Variants in RBM25 observed in about 807,000 individuals in gnomAD.
RBM25 encodes RNA-binding protein 25.
A neutral mutation model predicts 120.7 loss-of-function variants in RBM25; 19 were observed. The observed-to-expected ratio is 0.16, with a 90% CI of 0.11 to 0.23. The LOEUF is 0.23. Ranked by LOEUF, RBM25 falls within the 10% of genes least tolerant of loss-of-function variation. RBM25 has a pLI of 1.00. For missense variants in RBM25, 605 were observed against 1,041.5 expected, an observed-to-expected ratio of 0.58 and a Z score of 5.77; for synonymous variants, 390 against 326.7, an observed-to-expected ratio of 1.19 and a Z score of -2.09.
At chr14:73,114,358 A>T in intron 18 of RBM25, 25 bp downstream of exon 18, 2 of 1,514,670 alleles carry the variant, frequency 1.3e-6, no homozygotes, top group Non-Finnish European at 1.8e-6. Flanking sequence ...CACTATTTTT[A>T]TTTCTTTTAA....
chr14:73,116,670 A>G (rs967773921), intron 18 of RBM25, among the ~76,000 whole-genome samples: 1 of 152,188 alleles, frequency 6.6e-6, no homozygotes. Context: ...GCCTGAGTGA[A>G]GACATTTTTT....
intron 4 of RBM25, among the ~76,000 whole-genome samples, chr14:73,081,707 A>C (rs957454808): frequency 1.3e-5 from 2 of 152,200 alleles, no homozygotes; most frequent in African/African-American, 4.8e-5. Context: ...TCATGTGGTC[A>C]GTAGTTTACC....
chr14:73,105,126 C>CTT (rs34862161), intron 10 of RBM25, among the ~76,000 whole-genome samples: 8,878 of 109,428 alleles, frequency 0.081, 1,476 homozygotes, highest in African/African-American at 0.27. Flanking sequence ...GGTTTTATTA[C>CTT]TTTTTTTTTT....
Position 73,112,265 on chromosome 14 carries a change from C to T in RBM25, c.2391+15C>T, listed in dbSNP as rs761222600. 1 of 1,553,178 alleles carries T rather than the reference C, an allele frequency of 6.4e-7. No homozygotes were observed. Among genetic ancestry groups the T allele is most frequent in the East Asian group, 2.3e-5 (1 of 42,662 alleles). On this transcript the variant is annotated intron_variant, in intron 17 of 18. Transcript: ENST00000261973. ...TTTGTTCTAAGGTTAGTCTTCTATT[C>T]TCTTCCATGCCAGCATTTATTTTAT...
intron 6 of RBM25, among the ~76,000 whole-genome samples, chr14:73,095,428 C>T (rs994118077): frequency 1.3e-5 from 2 of 151,290 alleles, no homozygotes; most frequent in African/African-American, 4.9e-5. Flanking sequence ...CACGGTGAAA[C>T]CCCCATCTCT....
chr14:73,097,191 C>CTTTTT (rs202085217), intron 7 of RBM25, 91 bp downstream of exon 7: 214,461 of 367,904 alleles, frequency 0.58, 76,509 homozygotes, highest in African/African-American at 0.86. Flanking sequence ...TTTCTTTTTT[C>CTTTTT]TTTTCTTTTT....
chr14:73,058,890 A>G (rs912589196), intron 1 of RBM25, 185 bp downstream of exon 1: 1 of 152,276 alleles, frequency 6.6e-6, no homozygotes, highest in Non-Finnish European at 1.5e-5. Context: ...AGGCCTGGAA[A>G]AGCTGTGGGC....
rs1064612 is a variant in RBM25 at position 73,119,839 on chromosome 14, C to G, written c.*34C>G. 2.5e-6 allele frequency: 4 copies of G among 1,582,550 alleles called. No homozygotes were observed. The highest frequency in any genetic ancestry group is 3.4e-6 in the Non-Finnish European group (4 of 1,171,406). ...ATATTTAGAGTTCCATTTCAGATTT[C>G]TTCTTTGCCACCCTTTTAAGGACTT... On this transcript the variant is annotated 3_prime_UTR_variant, in exon 19 of 19. Coordinates refer to ENST00000261973, the MANE Select transcript of RBM25 (RefSeq NM_021239.3).
At chr14:73,112,278 G>A (rs1350171032) in intron 17 of RBM25, 28 bp downstream of exon 17, 3 of 1,527,854 alleles carry the variant, frequency 2.0e-6, no homozygotes, top group Non-Finnish European at 8.7e-7. Flanking sequence ...TTCCATGCCA[G>A]CATTTATTTT....
At chr14:73,084,187 C>G (rs888439982) in intron 5 of RBM25, among the ~76,000 whole-genome samples, 1 of 152,080 alleles carries the variant, frequency 6.6e-6, no homozygotes, top group Non-Finnish European at 1.5e-5. Flanking sequence ...CAGGAGCCAC[C>G]ACACCTGACC....
chr14:73,076,161 C>T (rs772005357), intron 2 of RBM25, among the ~76,000 whole-genome samples, 158 bp from the exon 3 acceptor site: 5 of 152,182 alleles, frequency 3.3e-5, no homozygotes, highest in Non-Finnish European at 7.3e-5. Flanking sequence ...CCTGATACCA[C>T]ATTCCTTTTG....
At chr14:73,067,820 C>T (rs941402479) in intron 1 of RBM25, among the ~76,000 whole-genome samples, 48 of 151,578 alleles carry the variant, frequency 3.2e-4, no homozygotes, top group African/African-American at 1.1e-3. Flanking sequence ...ACCGTGGTCT[C>T]GATGTCCTGA....
chr14:73,107,808 G>A lies in RBM25; in HGVS notation c.1468-18G>A. 1 of 1,529,846 alleles carries A rather than the reference G, an allele frequency of 6.5e-7. No homozygotes were observed. Among genetic ancestry groups the A allele is most frequent in the Non-Finnish European group, 9.0e-7 (1 of 1,112,500 alleles). 94.8% of individuals were successfully genotyped at this position (1,529,846 alleles called of 1,614,324 possible). The stretch of plus-strand genomic sequence containing the variant: ...TACTTGTATGTTAATTTTATACATT[G>A]TCCTTATTTCCTCAAAGGCCAAAGA... On this transcript the variant is annotated intron_variant, in intron 12 of 18. Transcript: ENST00000261973.
chr14:73,119,415 G>A (rs1024396711), intron 18 of RBM25, among the ~76,000 whole-genome samples: 1 of 152,094 alleles, frequency 6.6e-6, no homozygotes, highest in African/African-American at 2.4e-5. Flanking sequence ...ACAGGCGCAC[G>A]CTGCCATGCC....
intron 12 of RBM25, chr14:73,107,243 A>AT (rs1342020924): frequency 6.6e-6 from 1 of 152,548 alleles, no homozygotes; most frequent in Non-Finnish European, 1.5e-5. Context: ...AGCGTAGCGT[A>AT]TATATATAGT....
chr14:73,106,398 A>G, intron 12 of RBM25, 113 bp downstream of exon 12: 1 of 843,834 alleles, frequency 1.2e-6, no homozygotes, highest in East Asian at 3.0e-5. Context: ...CTATTCATGT[A>G]TAATTTAATT....
In RBM25 at chr14:73,110,930, G is replaced by A; in HGVS notation, c.1792G>A (p.Glu598Lys). ...AAAGCAAGAAAAAGAAGAAAAACGAGAAGAACCCATGGAAGAGGAAGAGGA... is the reference window on the plus strand; with the variant it reads ...AAAGCAAGAAAAAGAAGAAAAACGAAAAGAACCCATGGAAGAGGAAGAGGA... ...EEKQEKEEKREEPMEEEEEPE... is the reference protein window; with the variant it reads ...EEKQEKEEKRKEPMEEEEEPE... Residue 598 changes from glutamate (E) to lysine (K), a missense_variant, in exon 15 of 19, where the codon GAA becomes AAA. By Grantham distance (56) the Glu-to-Lys change is moderately conservative. Coordinates refer to ENST00000261973, the MANE Select transcript of RBM25 (RefSeq NM_021239.3). The A allele has an allele frequency of 6.2e-7, 1 of 1,612,220 alleles. No individual in the cohort carries two copies. The highest frequency in any genetic ancestry group is 2.2e-5 in the East Asian group (1 of 44,874).
intron 2 of RBM25, among the ~76,000 whole-genome samples, chr14:73,074,432 G>T (rs1309089193): frequency 6.6e-6 from 1 of 151,938 alleles, no homozygotes; most frequent in African/African-American, 2.4e-5. Flanking sequence ...TGCAAAGCCC[G>T]AGTGTTCTAG....
chr14:73,093,829 A>G (rs1382219090), intron 6 of RBM25, among the ~76,000 whole-genome samples: 3 of 151,842 alleles, frequency 2.0e-5, no homozygotes, highest in African/African-American at 7.3e-5. Context: ...AAGTATAAGA[A>G]AAAAACAGGA....
Sources: allele counts gnomAD v4.1 joint callset (sites outside exome capture counted in the v4.1 genomes callset), GRCh38; gene constraint gnomAD v4.1.1; transcripts MANE v1.5; gene names NCBI Gene and HGNC (gene_info 2026-07-23, HGNC 2026-07-21).